ARL15: variants seen among roughly 807,000 people sequenced by gnomAD.
ARL15 encodes the protein ARF like GTPase 15.
In ARL15, 19 loss-of-function variants were observed where a neutral mutation model predicts 25.2. That is an observed-to-expected ratio of 0.75 (90% CI 0.53 to 1.10). ARL15 has a LOEUF of 1.10. Ranked by LOEUF, ARL15 falls within the 50% of genes least tolerant of loss-of-function variation. The pLI, the probability that ARL15 is intolerant of heterozygous loss-of-function variation, is 0.00. For missense variants in ARL15, 220 were observed against 246.0 expected, an observed-to-expected ratio of 0.89 and a Z score of 0.71; for synonymous variants, 94 against 86.8, an observed-to-expected ratio of 1.08 and a Z score of -0.46.
chr5:54,112,077 G>A (rs1752757557), intron 4 of ARL15, among the ~76,000 whole-genome samples: 1 of 152,110 alleles, frequency 6.6e-6, no homozygotes. Flanking sequence ...GGCAACTAAA[G>A]TGAGACATGA....
chr5:54,071,135 A>T, intron 4 of ARL15, among the ~76,000 whole-genome samples: 1 of 151,396 alleles, frequency 6.6e-6, no homozygotes, highest in Non-Finnish European at 1.5e-5. Context: ...GTGCCGCTGC[A>T]CTCTAGCCTA....
At chr5:54,216,124 A>T (rs1270274810) in intron 1 of ARL15, among the ~76,000 whole-genome samples, 1 of 152,194 alleles carries the variant, frequency 6.6e-6, no homozygotes, top group Non-Finnish European at 1.5e-5. Context: ...ACACGAAGAA[A>T]CTTTACTTCT....
At chr5:54,053,629 G>A (rs1485365117) in intron 4 of ARL15, among the ~76,000 whole-genome samples, 1 of 152,180 alleles carries the variant, frequency 6.6e-6, no homozygotes, top group African/African-American at 2.4e-5. Flanking sequence ...TTGATATGAT[G>A]TGATGTGGCA....
intron 1 of ARL15, among the ~76,000 whole-genome samples, chr5:54,281,225 C>T (rs1758057126): frequency 6.6e-6 from 1 of 152,040 alleles, no homozygotes; most frequent in Admixed American, 6.6e-5. Context: ...CTGCAACCTC[C>T]ACTTCCTGGG....
rs1240826768 is a variant in ARL15, at chr5:53,884,947, A to G, written c.*1614T>C. On this transcript the variant is annotated 3_prime_UTR_variant, in exon 5 of 5. Transcript: ENST00000504924. ...CAGACAAAATTGTATACGAATCACT[A>G]TGTATCCTTCCTGATTCATGACATT... 6.6e-6 allele frequency: 1 copy of G among 152,436 alleles called. No individual in the cohort carries two copies. Among genetic ancestry groups the G allele is most frequent in the African/African-American group, 2.4e-5 (1 of 41,376 alleles). 9.4% of individuals were successfully genotyped at this position (152,436 alleles called of 1,614,324 possible).
chr5:53,899,375 AAAAAAAAAAAAAT>A (rs1744989429), intron 4 of ARL15, among the ~76,000 whole-genome samples: 1 of 95,512 alleles, frequency 1.0e-5, no homozygotes, highest in South Asian at 2.8e-4. Context: ...AAAAAAAAAA[AAAAAAAAAAAAAT>A]AGATTTGTCA....
intron 3 of ARL15, among the ~76,000 whole-genome samples, chr5:54,134,985 A>C (rs1020925479): frequency 3.9e-5 from 6 of 152,226 alleles, no homozygotes; most frequent in Non-Finnish European, 8.8e-5. Context: ...ATTGAATTAA[A>C]AAGTTGAAGA....
chr5:54,283,451 T>C (rs1758109847), intron 1 of ARL15, among the ~76,000 whole-genome samples: 1 of 152,266 alleles, frequency 6.6e-6, no homozygotes, highest in South Asian at 2.1e-4. Flanking sequence ...TCAACGGTGC[T>C]ATTGTTCAAA....
At chr5:54,009,375 T>G (rs1437877926) in intron 4 of ARL15, among the ~76,000 whole-genome samples, 1 of 152,230 alleles carries the variant, frequency 6.6e-6, no homozygotes, top group East Asian at 1.9e-4. Context: ...AACATTCATT[T>G]CATTCACTCA....
intron 1 of ARL15, among the ~76,000 whole-genome samples, chr5:54,287,482 A>C (rs1171956222): frequency 6.6e-6 from 1 of 150,868 alleles, no homozygotes; most frequent in Admixed American, 6.6e-5. Flanking sequence ...AGGAGCACAG[A>C]AGAAAACGGC....
At chr5:54,253,774 A>G (rs1757299302) in intron 1 of ARL15, among the ~76,000 whole-genome samples, 1 of 152,020 alleles carries the variant, frequency 6.6e-6, no homozygotes, top group Admixed American at 6.6e-5. Flanking sequence ...CATTTTTTGA[A>G]GAGACAGGAT....
intron 4 of ARL15, among the ~76,000 whole-genome samples, chr5:54,061,008 G>C (rs1751045357): frequency 6.6e-6 from 1 of 152,196 alleles, no homozygotes; most frequent in Non-Finnish European, 1.5e-5. Context: ...ATTTACATAA[G>C]TAATGAGGAG....
chr5:54,202,703 A>G (rs560866497), intron 1 of ARL15, among the ~76,000 whole-genome samples: 1 of 152,330 alleles, frequency 6.6e-6, no homozygotes, highest in South Asian at 2.1e-4. Context: ...CAAAAAATGA[A>G]TAATAAAGAC....
At chr5:54,092,794 C>T (rs568713179) in intron 4 of ARL15, among the ~76,000 whole-genome samples, 5 of 152,182 alleles carry the variant, frequency 3.3e-5, no homozygotes, top group East Asian at 3.9e-4. Flanking sequence ...GATCTTTAGG[C>T]GGATCTTTAT....
At chr5:54,137,721 A>G (rs1031062184) in intron 3 of ARL15, among the ~76,000 whole-genome samples, 1 of 152,218 alleles carries the variant, frequency 6.6e-6, no homozygotes, top group Non-Finnish European at 1.5e-5. Context: ...ATTGTTCCAG[A>G]TGATAAATGG....
chr5:54,297,543 G>C (rs1304281633), intron 1 of ARL15, among the ~76,000 whole-genome samples: 2 of 152,218 alleles, frequency 1.3e-5, no homozygotes, highest in Non-Finnish European at 2.9e-5. Flanking sequence ...TGTCAGTAAA[G>C]CTAAAATGGG....
intron 4 of ARL15, among the ~76,000 whole-genome samples, chr5:54,017,970 TA>T (rs886150928): frequency 6.6e-6 from 1 of 151,804 alleles, no homozygotes; most frequent in African/African-American, 2.4e-5. Context: ...AGAATAATTC[TA>T]AAAATAAGAA....
At chr5:54,102,480 G>A (rs938765430) in intron 4 of ARL15, among the ~76,000 whole-genome samples, 1 of 152,104 alleles carries the variant, frequency 6.6e-6, no homozygotes, top group African/African-American at 2.4e-5. Flanking sequence ...AATAATAACA[G>A]TAGTAACAAT....
intron 2 of ARL15, among the ~76,000 whole-genome samples, chr5:54,163,473 TC>T (rs1410122547): frequency 6.8e-6 from 1 of 147,740 alleles, no homozygotes; most frequent in Non-Finnish European, 1.5e-5. Context: ...TCTTCAATTT[TC>T]TGGAAGAGAC....
Sources: allele counts gnomAD v4.1 joint callset (sites outside exome capture counted in the v4.1 genomes callset), GRCh38; gene constraint gnomAD v4.1.1; transcripts MANE v1.5; gene names NCBI Gene and HGNC (gene_info 2026-07-23, HGNC 2026-07-21).